TIA1: variants seen among roughly 807,000 people sequenced by gnomAD.
The protein encoded by TIA1 is cytotoxic granule associated RNA binding protein TIA1.
A neutral mutation model predicts 65.9 loss-of-function variants in TIA1; 23 were observed. The observed-to-expected ratio is 0.35, with a 90% CI of 0.25 to 0.49. The LOEUF is 0.49. Among genes scored for constraint, TIA1 ranks in the 20% least tolerant of loss-of-function variants. The pLI, the probability that TIA1 is intolerant of heterozygous loss-of-function variation, is 0.98. For missense variants in TIA1, 371 were observed against 477.9 expected (o/e 0.78, Z 2.09); for synonymous variants, 147 against 149.4 (o/e 0.98, Z 0.12).
In TIA1 at chr2:70,242,494, C is replaced by CAAAAA. The variant is rs11380260; in HGVS notation, c.26+5906_26+5910dup. On this transcript the variant is annotated intron_variant, in intron 1 of 12. Transcript: ENST00000433529. ...AGCCTGAGTGACAGAGACTCAGTCTCAAAAAAAAAAAAAAAAAAAAAAAAA... is the reference window on the plus strand; with the variant it reads ...AGCCTGAGTGACAGAGACTCAGTCTCAAAAAAAAAAAAAAAAAAAAAAAAAAAAAA... Among the ~76,000 whole-genome samples, 324 of 33,464 alleles carry CAAAAA rather than the reference C, an allele frequency of 9.7e-3. 84 individuals are homozygous for CAAAAA. The highest frequency in any genetic ancestry group is 0.041 in the African/African-American group (288 of 7,046). The allele number at this position is 33,464 out of a possible 152,430, so 22.0% of individuals were successfully genotyped here.
chr2:70,227,534 A>C (rs1344881422), intron 6 of TIA1, among the ~76,000 whole-genome samples: 1 of 152,160 alleles, frequency 6.6e-6, no homozygotes, highest in Non-Finnish European at 1.5e-5. Flanking sequence ...GGATTTTAAG[A>C]TAATTGAAAA....
intron 1 of TIA1, among the ~76,000 whole-genome samples, chr2:70,246,270 C>G (rs1158672418): frequency 6.6e-6 from 1 of 152,114 alleles, no homozygotes; most frequent in East Asian, 1.9e-4. Flanking sequence ...TTACCATGGA[C>G]CACACTAAGA....
rs1684985421 is a variant in TIA1 at position 70,229,076 on chromosome 2, C to T, written c.293G>A (p.Ser98Asn). The stretch of plus-strand genomic sequence containing the variant: ...ACAATTACCTTGTGAACGCTGTGTG[C>T]TGACAACGGTACTACCTGATGACAA... ...KKDTSSSTVVSTQRSQDHFHV... is the reference protein window; with the variant it reads ...KKDTSSSTVVNTQRSQDHFHV... Residue 98 changes from serine to asparagine, a missense_variant, in exon 5 of 13, where the codon AGC becomes AAC. Physicochemically the swap from Ser to Asn is conservative, Grantham distance 46. Coordinates refer to ENST00000433529, the MANE Select transcript of TIA1 (RefSeq NM_022173.4). 2 of 1,611,112 alleles carry T rather than the reference C, an allele frequency of 1.2e-6. No homozygotes were observed. Among genetic ancestry groups the T allele is most frequent in the African/African-American group, 1.3e-5 (1 of 74,382 alleles).
intron 2 of TIA1, among the ~76,000 whole-genome samples, chr2:70,232,208 C>CAAA (rs11427986): frequency 4.7e-5 from 3 of 63,896 alleles, no homozygotes; most frequent in South Asian, 5.6e-4. Flanking sequence ...GACTCTGTCT[C>CAAA]AAAAAAAAAA....
At chr2:70,222,474 T>C (rs1681887495) in intron 7 of TIA1, among the ~76,000 whole-genome samples, 3 of 152,166 alleles carry the variant, frequency 2.0e-5, no homozygotes, top group African/African-American at 2.4e-5. Context: ...AGTATTGTGG[T>C]CTTCCTAGCA....
intron 5 of TIA1, 88 bp downstream of exon 5, chr2:70,228,964 GCCCCCCT>G: frequency 2.0e-6 from 2 of 1,022,738 alleles, no homozygotes; most frequent in Non-Finnish European, 1.2e-6. Flanking sequence ...ATCTCCTCCC[GCCCCCCT>G]CCCCCAAATA....
chr2:70,217,078 C>A, intron 7 of TIA1, 84 bp from the exon 8 acceptor site: 1 of 1,385,834 alleles, frequency 7.2e-7, no homozygotes. Context: ...AAACTTGGTG[C>A]TTTTCACAAA....
chr2:70,236,820 C>T (rs1391084382), intron 1 of TIA1, among the ~76,000 whole-genome samples: 1 of 151,930 alleles, frequency 6.6e-6, no homozygotes, highest in African/African-American at 2.4e-5. Context: ...GTAGAGAAGG[C>T]GTTTCACCAT....
chr2:70,223,967 C>G (rs1682701930), intron 7 of TIA1, among the ~76,000 whole-genome samples: 1 of 152,054 alleles, frequency 6.6e-6, no homozygotes, highest in Admixed American at 6.6e-5. Context: ...GTCGCCCAGG[C>G]TGTGCTGTGG....
intron 10 of TIA1, 97 bp from the exon 11 acceptor site, chr2:70,215,591 C>G: frequency 2.7e-6 from 3 of 1,120,976 alleles, no homozygotes; most frequent in Non-Finnish European, 3.7e-6. Context: ...TGAGGTAAAA[C>G]AGTTTGCGTA....
chr2:70,213,738 G>A (rs1677344687), intron 12 of TIA1, among the ~76,000 whole-genome samples: 1 of 150,820 alleles, frequency 6.6e-6, no homozygotes. Context: ...TGCAACCTCC[G>A]CCTCCCAGGT....
intron 1 of TIA1, among the ~76,000 whole-genome samples, chr2:70,246,335 T>TATTAAAAGCCTCTGACTTCC: frequency 6.6e-6 from 1 of 152,214 alleles, no homozygotes; most frequent in Admixed American, 6.5e-5. Context: ...TAAGAACATA[T>TATTAAAAGCCTCTGACTTCC]ATTAAAAGCC....
intron 2 of TIA1, among the ~76,000 whole-genome samples, chr2:70,231,640 G>A (rs1381474721): frequency 3.3e-5 from 5 of 152,226 alleles, no homozygotes; most frequent in African/African-American, 9.6e-5. Context: ...GAACTCCTAA[G>A]TTCTGAAGTC....
At chr2:70,229,371 C>A (rs1431700950) in intron 3 of TIA1, 53 bp from the exon 4 acceptor site, 2 of 1,459,986 alleles carry the variant, frequency 1.4e-6, no homozygotes, top group Non-Finnish European at 1.9e-6. Context: ...AGCCCAAAAT[C>A]ACATTTGTAT....
chr2:70,224,437 G>A (rs1682931344), intron 7 of TIA1, 117 bp downstream of exon 7: 14 of 1,418,178 alleles, frequency 9.9e-6, no homozygotes, highest in Non-Finnish European at 3.9e-6. Flanking sequence ...TCTAGTGAGG[G>A]TTTATTTTAA....
At chr2:70,237,497 C>T (rs752756327) in intron 1 of TIA1, among the ~76,000 whole-genome samples, 3 of 152,170 alleles carry the variant, frequency 2.0e-5, no homozygotes, top group Non-Finnish European at 4.4e-5. Context: ...CTTGTTTCTA[C>T]GTTTCCAGGC....
chr2:70,239,280 G>A (rs955039324), intron 1 of TIA1, among the ~76,000 whole-genome samples: 1 of 152,124 alleles, frequency 6.6e-6, no homozygotes, highest in Non-Finnish European at 1.5e-5. Context: ...TTTTAGTAGA[G>A]ATGGGGTTTC....
Position 70,224,589 on chromosome 2 carries a change from T to TA in TIA1, c.438dup (p.Lys147Ter). 1 of 1,614,058 alleles carries TA rather than the reference T, an allele frequency of 6.2e-7. No individual in the cohort carries two copies. On this transcript the variant is annotated frameshift_variant, in exon 7 of 13. Coordinates refer to ENST00000433529, the MANE Select transcript of TIA1 (RefSeq NM_022173.4). LOFTEE classifies it high-confidence loss of function. ...AAAAAGGAGACAAAGCCATATCCCT[T>TA]AGACTTTCCTGTTGCCATGTCTTTT...
At chr2:70,244,087 C>T (rs933355748) in intron 1 of TIA1, among the ~76,000 whole-genome samples, 40 of 152,278 alleles carry the variant, frequency 2.6e-4, no homozygotes, top group African/African-American at 9.4e-4. Context: ...TCATTTCCTA[C>T]TCCTCTACTA....
Sources: allele counts gnomAD v4.1 joint callset (sites outside exome capture counted in the v4.1 genomes callset), GRCh38; gene constraint gnomAD v4.1.1; transcripts MANE v1.5; gene names NCBI Gene and HGNC (gene_info 2026-07-23, HGNC 2026-07-21).